TXNDC11: variants seen among roughly 807,000 people sequenced by gnomAD.
The protein encoded by TXNDC11 is thioredoxin domain-containing protein 11.
TXNDC11 carries 68 observed loss-of-function variants against 78.0 expected under a neutral mutation model. The ratio of observed to expected loss-of-function variants is 0.87; its 90% CI spans 0.72 to 1.07. The LOEUF (loss-of-function observed/expected upper bound fraction) is 1.07. TXNDC11 is among the 50% of genes least tolerant of loss of function. TXNDC11 has a pLI of 0.00. For synonymous variants in TXNDC11, 571 were observed against 495.2 expected, an observed-to-expected ratio of 1.15 and a Z score of -2.03; for missense variants, 1,389 against 1,221.8, an observed-to-expected ratio of 1.14 and a Z score of -2.04.
chr16:11,706,309 T>C (rs2141046503), intron 5 of TXNDC11, among the ~76,000 whole-genome samples: 1 of 152,334 alleles, frequency 6.6e-6, no homozygotes, highest in Admixed American at 6.5e-5. Flanking sequence ...ACAGCCAGCA[T>C]GTCTCTTGGC....
intron 3 of TXNDC11, among the ~76,000 whole-genome samples, chr16:11,733,538 A>G (rs2141117729): frequency 6.6e-6 from 1 of 152,272 alleles, no homozygotes; most frequent in South Asian, 2.1e-4. Flanking sequence ...AAAAAAAAAA[A>G]GAATTGTGGA....
At chr16:11,694,060 A>C (rs933043001) in intron 7 of TXNDC11, among the ~76,000 whole-genome samples, 5 of 124,540 alleles carry the variant, frequency 4.0e-5, no homozygotes, top group Non-Finnish European at 8.3e-5. Flanking sequence ...CGTAAAGAAT[A>C]TTTTTAATTG....
intron 5 of TXNDC11, among the ~76,000 whole-genome samples, chr16:11,702,097 T>C (rs201431742): frequency 0.068 from 10,165 of 150,586 alleles, 452 homozygotes; most frequent in South Asian, 0.18. Flanking sequence ...TATGTGTATA[T>C]ATATATATAT....
At position 11,721,720 on chromosome 16, in the gene TXNDC11, T is replaced by C. The variant is rs573703883; in HGVS notation, c.700-50A>G. On this transcript the variant is annotated intron_variant, in intron 4 of 11. Transcript: ENST00000283033. ...GTAACTGAGGCACTGTCAGCCACAG[T>C]GTAATGGAGGATATTTTAAAGCAAG... 1.8e-4 allele frequency: 180 copies of C among 1,011,008 alleles called. 4 individuals carry two copies. The South Asian group carries it at 2.3e-3, about 13-fold the overall frequency. The allele number at this position is 1,011,008 out of a possible 1,614,324, so 62.6% of individuals were successfully genotyped here.
intron 1 of TXNDC11, among the ~76,000 whole-genome samples, chr16:11,736,906 T>C (rs902740726): frequency 1.3e-5 from 2 of 152,058 alleles, no homozygotes; most frequent in African/African-American, 4.8e-5. Flanking sequence ...AAAAGAACGC[T>C]GAACAAACAA....
chr16:11,731,628 C>G (rs2052050566), intron 3 of TXNDC11, among the ~76,000 whole-genome samples: 1 of 151,378 alleles, frequency 6.6e-6, no homozygotes, highest in Non-Finnish European at 1.5e-5. Flanking sequence ...CAACAAGAGC[C>G]CAGTGAAGAA....
chr16:11,727,087 A>G (rs1280834604), intron 4 of TXNDC11, among the ~76,000 whole-genome samples: 6 of 152,204 alleles, frequency 3.9e-5, no homozygotes, highest in Admixed American at 3.9e-4. Context: ...AATATTATGT[A>G]TTTCAGGACA....
chr16:11,689,620 A>G (rs1201947001), intron 8 of TXNDC11, among the ~76,000 whole-genome samples: 2 of 152,232 alleles, frequency 1.3e-5, no homozygotes, highest in African/African-American at 2.4e-5. Context: ...AGATGGAAAG[A>G]AATCTAAAGA....
Position 11,679,235 on chromosome 16 carries a change from G to A in TXNDC11, c.2837C>T (p.Thr946Ile), listed in dbSNP as rs767208084. The A allele has an allele frequency of 6.2e-7, 1 of 1,613,694 alleles. No individual in the cohort carries two copies. The highest frequency in any genetic ancestry group is 8.5e-7 in the Non-Finnish European group (1 of 1,180,020). Residue 946 changes from threonine (T) to isoleucine (I), a missense_variant, in exon 12 of 12, where the codon ACA becomes ATA. Coordinates refer to ENST00000283033, the MANE Select transcript of TXNDC11 (RefSeq NM_015914.7). The surrounding 1 kb of genome is among the most constrained non-coding windows in gnomAD (Gnocchi z 4.6). ...SSPPPANVSA[T>I]LVSERNKENR... ...CTCCTTATTCCTTTCAGACACCAGT[G>A]TGGCGCTGACATTGGCAGGTGGAGG...
chr16:11,717,952 G>C (rs151256974), intron 5 of TXNDC11, among the ~76,000 whole-genome samples: 1 of 152,122 alleles, frequency 6.6e-6, no homozygotes, highest in Non-Finnish European at 1.5e-5. Flanking sequence ...GAGAAAAAAG[G>C]AAACAGTTAA....
intron 5 of TXNDC11, among the ~76,000 whole-genome samples, chr16:11,702,613 C>T (rs1037872903): frequency 5.3e-5 from 8 of 152,118 alleles, no homozygotes; most frequent in Non-Finnish European, 8.8e-5. Flanking sequence ...GAGGTTGCCG[C>T]GAGCTGAGAT....
chr16:11,698,326 C>G lies in TXNDC11; in HGVS notation c.907-1G>C. The G allele has an allele frequency of 1.2e-6, 2 of 1,612,864 alleles. No homozygotes were observed. The highest frequency in any genetic ancestry group is 1.7e-6 in the Non-Finnish European group (2 of 1,179,900). ...AGTTCAGGACCTCCCTGGGGAAGAC[C>G]TGTGAAGGACAAAGGCACAGAGGAT... On this transcript the variant is annotated splice_acceptor_variant, in intron 6 of 11. Transcript: ENST00000283033. LOFTEE classifies it high-confidence loss of function.
rs1449632211 is a variant in TXNDC11 at position 11,688,374 on chromosome 16, G to A, written c.1972C>T (p.Gln658Ter). The change falls in exon 9 of 12, where the codon CAG becomes TAG. Residue 658 changes from glutamine (Q) to a stop codon, truncating the protein, a stop_gained. Coordinates refer to ENST00000283033, the MANE Select transcript of TXNDC11 (RefSeq NM_015914.7). LOFTEE classifies it high-confidence loss of function. ...KRHLIGSGSAQFPSQHLITEV... is the reference protein window; with the variant it reads ...KRHLIGSGSA ...GTGATTAAATGCTGAGACGGGAACT[G>A]GGCAGAGCCACTTCCAATGAGATGC... 1 of 1,614,108 alleles carries A rather than the reference G, an allele frequency of 6.2e-7. No individual in the cohort carries two copies. Among genetic ancestry groups the A allele is most frequent in the Non-Finnish European group, 8.5e-7 (1 of 1,179,974 alleles).
chr16:11,701,499 A>G (rs1294078554), intron 5 of TXNDC11, among the ~76,000 whole-genome samples: 1 of 152,178 alleles, frequency 6.6e-6, no homozygotes, highest in Non-Finnish European at 1.5e-5. Context: ...CTAGTATCCC[A>G]GCACCTACAG....
At chr16:11,698,043 T>C in intron 7 of TXNDC11, 82 bp downstream of exon 7, 6 of 1,333,278 alleles carry the variant, frequency 4.5e-6, no homozygotes, top group South Asian at 1.2e-5. Flanking sequence ...CCAGAGTAAA[T>C]GACTGAGTGT....
At chr16:11,702,021 CA>C (rs1355828444) in intron 5 of TXNDC11, among the ~76,000 whole-genome samples, 2,054 of 92,676 alleles carry the variant, frequency 0.022, 30 homozygotes, top group African/African-American at 0.052. Flanking sequence ...TTGATGTTAA[CA>C]AAAAAAAAAA....
At chr16:11,684,289 A>G (rs752481371) in intron 10 of TXNDC11, 44 bp from the exon 11 acceptor site, 5 of 1,449,576 alleles carry the variant, frequency 3.4e-6, no homozygotes, top group Middle Eastern at 1.7e-4. Context: ...TCAGCCCAAG[A>G]AACACCAACT....
In TXNDC11 at chr16:11,691,351, G is replaced by A. The variant is rs772194843; in HGVS notation, c.1839C>T (p.Asp613=). The stretch of plus-strand genomic sequence containing the variant: ...AGATGTAATGAGATTCTTCTTTCAC[G>A]TCAACAATTGCCGCAAATTCTTTCA... ...TQVKEFAAIV[D]VKEESHYILD... The change falls in exon 8 of 12, where the codon GAC becomes GAT. Residue 613 remains aspartate (D), a synonymous_variant. Transcript: ENST00000283033. 2.5e-5 allele frequency: 41 copies of A among 1,614,100 alleles called. No individual in the cohort carries two copies. The highest frequency in any genetic ancestry group is 8.3e-5 in the Admixed American group (5 of 60,008).
intron 7 of TXNDC11, among the ~76,000 whole-genome samples, chr16:11,694,456 C>CT (rs145186280): frequency 5.3e-5 from 8 of 151,384 alleles, no homozygotes; most frequent in Admixed American, 2.0e-4. Context: ...ACCAGCAATG[C>CT]TTTTTTTTGA....
Sources: gnomAD v4.1 joint callset for allele counts (sites outside exome capture counted in the v4.1 genomes callset) on GRCh38, gnomAD v4.1.1 for gene constraint, Gnocchi (gnomAD v3.1) non-coding constraint, MANE v1.5 for transcripts, NCBI Gene and HGNC (gene_info 2026-07-23, HGNC 2026-07-21) for gene names.